Variants in ADAMTS6 observed in about 807,000 individuals in gnomAD.
ADAMTS6 encodes ADAM metallopeptidase with thrombospondin type 1 motif 6.
ADAMTS6 carries 23 observed loss-of-function variants against 144.3 expected under a neutral mutation model. The ratio of observed to expected loss-of-function variants is 0.16; its 90% CI spans 0.11 to 0.23. The LOEUF (loss-of-function observed/expected upper bound fraction) is 0.23. Among genes scored for constraint, ADAMTS6 ranks in the 10% least tolerant of loss-of-function variants. The pLI is 1.00. For missense variants in ADAMTS6, 999 were observed against 1,379.6 expected (o/e 0.72, Z 4.37); for synonymous variants, 444 against 457.5 (o/e 0.97, Z 0.38).
At chr5:65,418,676 A>C (rs1158706046) in intron 7 of ADAMTS6, among the ~76,000 whole-genome samples, 1 of 152,214 alleles carries the variant, frequency 6.6e-6, no homozygotes, top group Non-Finnish European at 1.5e-5. Flanking sequence ...AATATCCAGA[A>C]TCTACCAGGA....
chr5:65,476,517 A>G (rs1290580808), intron 1 of ADAMTS6, among the ~76,000 whole-genome samples: 1 of 152,248 alleles, frequency 6.6e-6, no homozygotes, highest in Non-Finnish European at 1.5e-5. Context: ...GTCTGGTTCT[A>G]AAGTCTAAAT....
rs1405290889 is a variant in ADAMTS6 at position 65,230,340 on chromosome 5, A to T, written c.1934-4121T>A. ...ATATATATAATACATTATATATATG[A>T]AATATATATAATACATTATATATGA... On this transcript the variant is annotated intron_variant, in intron 15 of 24. Coordinates refer to ENST00000381055, the MANE Select transcript of ADAMTS6 (RefSeq NM_197941.4). Among the ~76,000 whole-genome samples, 2 of 113,146 alleles carry T rather than the reference A, an allele frequency of 1.8e-5. 1 individual carries two copies. The highest frequency in any genetic ancestry group is 3.3e-5 in the Non-Finnish European group (2 of 60,416). 74.2% of individuals were successfully genotyped at this position (113,146 alleles called of 152,430 possible).
chr5:65,302,103 AAAAAAT>A (rs1456535954), intron 9 of ADAMTS6, among the ~76,000 whole-genome samples: 21,208 of 118,424 alleles, frequency 0.18, 2,035 homozygotes, highest in African/African-American at 0.22. Context: ...AAAAAAAAAA[AAAAAAT>A]ATATATATAT....
chr5:65,359,493 A>C (rs926662157), intron 7 of ADAMTS6, among the ~76,000 whole-genome samples: 1 of 152,180 alleles, frequency 6.6e-6, no homozygotes, highest in Non-Finnish European at 1.5e-5. Flanking sequence ...AACAGTGTGG[A>C]GGACCCTCCA....
At chr5:65,412,144 A>G (rs963876833) in intron 7 of ADAMTS6, among the ~76,000 whole-genome samples, 5 of 152,338 alleles carry the variant, frequency 3.3e-5, no homozygotes, top group Admixed American at 2.6e-4. Flanking sequence ...GTAAAGTGGC[A>G]AAATGCAAGA....
intron 24 of ADAMTS6, among the ~76,000 whole-genome samples, chr5:65,170,225 C>A (rs573009607): frequency 1.3e-5 from 2 of 152,216 alleles, no homozygotes; most frequent in African/African-American, 4.8e-5. Flanking sequence ...GAATTTAAAT[C>A]TTCAGAATGA....
intron 10 of ADAMTS6, among the ~76,000 whole-genome samples, chr5:65,299,176 T>C (rs546045534): frequency 1.2e-4 from 19 of 152,284 alleles, no homozygotes; most frequent in African/African-American, 4.6e-4. Context: ...ATTTAAAGAA[T>C]GTCTGTTATG....
intron 9 of ADAMTS6, among the ~76,000 whole-genome samples, chr5:65,324,510 T>C (rs1046749494): frequency 2.6e-5 from 4 of 151,938 alleles, no homozygotes; most frequent in Non-Finnish European, 4.4e-5. Flanking sequence ...GAAAATATCA[T>C]GATATATACA....
intron 7 of ADAMTS6, among the ~76,000 whole-genome samples, chr5:65,427,379 T>C (rs1381792421): frequency 3.3e-5 from 5 of 152,036 alleles, no homozygotes; most frequent in African/African-American, 1.2e-4. Context: ...TCATTACTCA[T>C]TGCAGCCTCA....
At chr5:65,223,695 T>A (rs1273431705) in intron 18 of ADAMTS6, among the ~76,000 whole-genome samples, 1 of 152,240 alleles carries the variant, frequency 6.6e-6, no homozygotes, top group Non-Finnish European at 1.5e-5. Context: ...AATAAGTTTT[T>A]TAATCCATTC....
chr5:65,465,567 T>C (rs1316069113), intron 3 of ADAMTS6, among the ~76,000 whole-genome samples: 1 of 152,196 alleles, frequency 6.6e-6, no homozygotes, highest in African/African-American at 2.4e-5. Flanking sequence ...ATACTCTTTT[T>C]CTCTCCTCCC....
chr5:65,458,841 G>C (rs940548633), intron 4 of ADAMTS6, among the ~76,000 whole-genome samples: 9 of 152,110 alleles, frequency 5.9e-5, no homozygotes, highest in Admixed American at 2.0e-4. Context: ...AAAAATTTTT[G>C]TTAATATAAT....
chr5:65,368,093 A>G lies in ADAMTS6; in HGVS notation c.1074-34008T>C, dbSNP rs949558051. 2.6e-5 allele frequency among the ~76,000 whole-genome samples: 4 copies of G among 152,344 alleles called. 1 individual carries two copies. Among genetic ancestry groups the G allele is most frequent in the East Asian group, 3.9e-4 (2 of 5,190 alleles). On this transcript the variant is annotated intron_variant, in intron 7 of 24. Coordinates refer to ENST00000381055, the MANE Select transcript of ADAMTS6 (RefSeq NM_197941.4). ...TATATTTTGAAAGGAAAGATTTAATAAAGATAAGACTAAAGGTTACTTAAC... is the reference window on the plus strand; with the variant it reads ...TATATTTTGAAAGGAAAGATTTAATGAAGATAAGACTAAAGGTTACTTAAC...
intron 15 of ADAMTS6, among the ~76,000 whole-genome samples, chr5:65,237,419 GAAAAT>G (rs59027594): frequency 7.2e-6 from 1 of 139,058 alleles, no homozygotes; most frequent in Non-Finnish European, 1.5e-5. Context: ...AACTCCACAA[GAAAAT>G]AAAATAAAAT....
intron 11 of ADAMTS6, among the ~76,000 whole-genome samples, chr5:65,277,175 C>G (rs2112681514): frequency 6.6e-6 from 1 of 152,246 alleles, no homozygotes; most frequent in East Asian, 1.9e-4. Flanking sequence ...AACTTCCAAT[C>G]AGTTAGGAGG....
At chr5:65,308,786 T>C (rs769886765) in intron 9 of ADAMTS6, among the ~76,000 whole-genome samples, 13 of 152,184 alleles carry the variant, frequency 8.5e-5, no homozygotes, top group Non-Finnish European at 1.3e-4. Context: ...TTAATTAAAA[T>C]TCTATCAGTT....
intron 7 of ADAMTS6, among the ~76,000 whole-genome samples, chr5:65,434,959 A>G (rs1420388560): frequency 6.6e-6 from 1 of 152,246 alleles, no homozygotes; most frequent in Non-Finnish European, 1.5e-5. Flanking sequence ...ATTGTTTATA[A>G]TAATGGAAAA....
chr5:65,428,125 C>G (rs1431867604), intron 7 of ADAMTS6, among the ~76,000 whole-genome samples: 1 of 148,926 alleles, frequency 6.7e-6, no homozygotes, highest in Non-Finnish European at 1.5e-5. Flanking sequence ...ACTTGAGAGG[C>G]TGAGGCAGGA....
intron 11 of ADAMTS6, among the ~76,000 whole-genome samples, chr5:65,287,958 G>A (rs67235604): frequency 0.29 from 44,324 of 152,014 alleles, 6,691 homozygotes; most frequent in Admixed American, 0.37. Flanking sequence ...ATATTGTACT[G>A]TACTGTTTTG....
Sources: gnomAD v4.1 joint callset for allele counts (sites outside exome capture counted in the v4.1 genomes callset) on GRCh38, gnomAD v4.1.1 for gene constraint, MANE v1.5 for transcripts, NCBI Gene and HGNC (gene_info 2026-07-23, HGNC 2026-07-21) for gene names.